DGKH: variants seen among roughly 807,000 people sequenced by gnomAD.
The protein encoded by DGKH is diacylglycerol kinase eta, also known as DAG kinase eta.
DGKH carries 90 observed loss-of-function variants against 159.3 expected under a neutral mutation model. The observed-to-expected ratio is 0.57, with a 90% confidence interval of 0.48 to 0.67. The LOEUF (loss-of-function observed/expected upper bound fraction) is 0.67. DGKH is among the 30% of genes least tolerant of loss of function. The pLI is 0.00. For synonymous variants in DGKH, 536 were observed against 553.8 expected (o/e 0.97, Z 0.45); for missense variants, 1,181 against 1,506.1 (o/e 0.78, Z 3.57).
At chr13:42,114,464 G>A (rs1040556476) in intron 1 of DGKH, among the ~76,000 whole-genome samples, 5 of 152,118 alleles carry the variant, frequency 3.3e-5, no homozygotes, top group Admixed American at 1.3e-4. Flanking sequence ...TCTGGTAAGC[G>A]CCAGGGCTCC....
intron 1 of DGKH, among the ~76,000 whole-genome samples, chr13:42,083,186 G>C (rs961498231): frequency 6.6e-6 from 1 of 152,174 alleles, no homozygotes; most frequent in African/African-American, 2.4e-5. Context: ...TATGCTGCCA[G>C]TGGTCAGCAT....
chr13:42,064,248 G>T (rs1451551929), intron 1 of DGKH, among the ~76,000 whole-genome samples: 1 of 152,156 alleles, frequency 6.6e-6, no homozygotes, highest in Non-Finnish European at 1.5e-5. Flanking sequence ...GATGGAGAGG[G>T]TATGGAGGTC....
At chr13:42,089,647 A>G (rs954218257) in intron 1 of DGKH, among the ~76,000 whole-genome samples, 6 of 152,088 alleles carry the variant, frequency 3.9e-5, no homozygotes, top group Admixed American at 3.3e-4. Context: ...TCACACCACC[A>G]TCTCTGCTTC....
chr13:42,086,941 A>G (rs1954314784), intron 1 of DGKH, among the ~76,000 whole-genome samples: 1 of 152,102 alleles, frequency 6.6e-6, no homozygotes, highest in African/African-American at 2.4e-5. Context: ...CCACACAGAA[A>G]GAAAGCTCTA....
At chr13:42,105,498 T>G (rs1954733733) in intron 1 of DGKH, among the ~76,000 whole-genome samples, 2 of 152,212 alleles carry the variant, frequency 1.3e-5, no homozygotes, top group Non-Finnish European at 1.5e-5. Context: ...TTTGATTTTT[T>G]TTAAAAGGCA....
At position 42,081,293 on chromosome 13, in the gene DGKH, G is replaced by A. The variant is rs535690822; in HGVS notation, c.192+32328G>A. 1.8e-3 allele frequency among the ~76,000 whole-genome samples: 277 copies of A among 151,900 alleles called. 1 individual carries two copies. The highest frequency in any genetic ancestry group is 6.4e-3 in the African/African-American group (263 of 41,414). The stretch of plus-strand genomic sequence containing the variant: ...TGCCCAGGCTGGAGTGCAGCGGCAC[G>A]ATGTTGGCTCACTGCAACTTCTACC... On this transcript the variant is annotated intron_variant, in intron 1 of 29. Transcript: ENST00000337343.
At position 42,256,011 on chromosome 13, in the gene DGKH, C is replaced by T. The variant is rs376615032; in HGVS notation, n.4128-273C>T. The stretch of plus-strand genomic sequence containing the variant: ...AACACTACTGCCTGTAGTCTGATGA[C>T]GATAGCAAATAATATTCGTTTTCTG... On this transcript the variant is annotated intron_variant and non_coding_transcript_variant, in intron 30 of 30. Transcript: ENST00000498255. The T allele has an allele frequency of 6.1e-5, 95 of 1,559,068 alleles. No individual in the cohort carries two copies. In the African/African-American group the frequency reaches 8.9e-4, roughly 15 times the overall value.
intron 27 of DGKH, 60 bp from the exon 28 acceptor site, chr13:42,219,624 CAG>C: frequency 7.3e-7 from 1 of 1,366,008 alleles, no homozygotes; most frequent in Non-Finnish European, 9.9e-7. Context: ...TCCCTATTAT[CAG>C]AGTAGGTTTT....
intron 5 of DGKH, among the ~76,000 whole-genome samples, chr13:42,158,997 A>G (rs1438966069): frequency 6.6e-6 from 1 of 152,172 alleles, no homozygotes; most frequent in East Asian, 1.9e-4. Flanking sequence ...CTTCTCAAGC[A>G]GTAATTCTTT....
In DGKH at chr13:42,238,298, G is replaced by A. The variant is rs1958457465; in HGVS notation, c.*9110G>A. On this transcript the variant is annotated 3_prime_UTR_variant, in exon 30 of 30. Coordinates refer to ENST00000337343, the MANE Select transcript of DGKH (RefSeq NM_178009.5). ...CCTGATGTTTAATTTAAAAATGAAA[G>A]TAAAGTTAAAATTAGTAGCATTTGT... is the stretch of plus-strand genomic sequence containing the variant. 1 of 152,108 alleles carries A rather than the reference G, an allele frequency of 6.6e-6. No individual in the cohort carries two copies. The highest frequency in any genetic ancestry group is 1.5e-5 in the Non-Finnish European group (1 of 68,012). 9.4% of individuals were successfully genotyped at this position (152,108 alleles called of 1,614,324 possible).
At chr13:42,254,375 C>G (rs1958642496) in intron 30 of DGKH, among the ~76,000 whole-genome samples, 2 of 152,126 alleles carry the variant, frequency 1.3e-5, no homozygotes, top group Non-Finnish European at 2.9e-5. Context: ...TGCCTGTAAT[C>G]CCAGCACTTT....
At chr13:42,141,723 C>A (rs1221494371) in intron 3 of DGKH, among the ~76,000 whole-genome samples, 2 of 152,208 alleles carry the variant, frequency 1.3e-5, no homozygotes, top group African/African-American at 4.8e-5. Flanking sequence ...TGTTCATATC[C>A]TTCACCTACT....
At chr13:42,139,500 C>T (rs1955484812) in intron 3 of DGKH, among the ~76,000 whole-genome samples, 1 of 152,162 alleles carries the variant, frequency 6.6e-6, no homozygotes, top group Non-Finnish European at 1.5e-5. Flanking sequence ...TGATCATTTG[C>T]TGTGCCTGGT....
intron 1 of DGKH, among the ~76,000 whole-genome samples, chr13:42,107,705 T>C (rs1954786524): frequency 6.6e-6 from 1 of 152,088 alleles, no homozygotes; most frequent in African/African-American, 2.4e-5. Flanking sequence ...GCAGCCCCGC[T>C]GTGAGTACAG....
intron 7 of DGKH, 26 bp downstream of exon 7, chr13:42,160,162 C>T (rs772593103): frequency 6.2e-7 from 1 of 1,613,552 alleles, no homozygotes; most frequent in Non-Finnish European, 8.5e-7. Context: ...TCAGTTCATC[C>T]TTTTTAATTA....
chr13:42,106,809 C>T (rs926085676), intron 1 of DGKH, among the ~76,000 whole-genome samples: 2 of 151,952 alleles, frequency 1.3e-5, no homozygotes, highest in African/African-American at 2.4e-5. Flanking sequence ...TTTGGAAGGC[C>T]GAGGCGGGTG....
intron 1 of DGKH, among the ~76,000 whole-genome samples, chr13:42,058,941 G>A (rs1194617502): frequency 6.6e-6 from 1 of 152,164 alleles, no homozygotes; most frequent in Non-Finnish European, 1.5e-5. Flanking sequence ...GGGAAATAGA[G>A]CTTTATTGTG....
At chr13:42,143,282 C>T (rs1955621138) in intron 3 of DGKH, among the ~76,000 whole-genome samples, 1 of 152,122 alleles carries the variant, frequency 6.6e-6, no homozygotes, top group South Asian at 2.1e-4. Flanking sequence ...TTTTGATGTG[C>T]TGCTGGATTC....
At chr13:42,225,802 T>G (rs1282608201) in intron 29 of DGKH, among the ~76,000 whole-genome samples, 1 of 150,772 alleles carries the variant, frequency 6.6e-6, no homozygotes, top group Non-Finnish European at 1.5e-5. Flanking sequence ...TGATAAAAAT[T>G]AATATATAAT....
Sources: allele counts gnomAD v4.1 joint callset (sites outside exome capture counted in the v4.1 genomes callset), GRCh38; gene constraint gnomAD v4.1.1; transcripts MANE v1.5; gene names NCBI Gene and HGNC (gene_info 2026-07-23, HGNC 2026-07-21).